The following SORCS3 variants were observed in gnomAD, a reference collection of about 807,000 sequenced individuals.
SORCS3 encodes the protein sortilin related VPS10 domain containing receptor 3.
In SORCS3, 57 loss-of-function variants were observed where a neutral mutation model predicts 146.3. That is an observed-to-expected ratio of 0.39 (90% confidence interval 0.31 to 0.49). The LOEUF is 0.49. SORCS3 is among the 20% of genes least tolerant of loss of function. The probability of loss-of-function intolerance (pLI) is 0.92; values close to 1 mark genes in which losing one functional copy is unlikely to be tolerated. For missense variants in SORCS3, 1,341 were observed against 1,575.5 expected (o/e 0.85, Z 2.52); for synonymous variants, 653 against 618.5 (o/e 1.06, Z -0.83).
intron 22 of SORCS3, among the ~76,000 whole-genome samples, chr10:105,247,847 A>C (rs2056876518): frequency 6.6e-6 from 1 of 152,168 alleles, no homozygotes; most frequent in Admixed American, 6.5e-5. Context: ...TGAAGAAGGA[A>C]ACTGGCCCAA....
At chr10:104,827,720 C>T (rs1266622055) in intron 1 of SORCS3, among the ~76,000 whole-genome samples, 1 of 152,148 alleles carries the variant, frequency 6.6e-6, no homozygotes, top group Non-Finnish European at 1.5e-5. Flanking sequence ...CTATGAAAGT[C>T]CCAGATGGCA....
At chr10:105,020,433 A>G (rs539057272) in intron 4 of SORCS3, among the ~76,000 whole-genome samples, 2 of 152,310 alleles carry the variant, frequency 1.3e-5, no homozygotes, top group South Asian at 4.1e-4. Flanking sequence ...TCACTCATCT[A>G]TATGACATAG....
intron 3 of SORCS3, among the ~76,000 whole-genome samples, chr10:104,951,627 G>A (rs2019430398): frequency 6.6e-6 from 1 of 152,130 alleles, no homozygotes; most frequent in Admixed American, 6.6e-5. Context: ...TTACAGGTGT[G>A]AGCCACCATG....
intron 1 of SORCS3, among the ~76,000 whole-genome samples, chr10:104,780,162 G>A (rs568575385): frequency 3.3e-5 from 5 of 151,882 alleles, no homozygotes; most frequent in Admixed American, 2.0e-4. Context: ...AGCCACAACG[G>A]AGCAATTTGA....
intron 7 of SORCS3, among the ~76,000 whole-genome samples, chr10:105,114,778 T>G (rs1485466531): frequency 1.3e-5 from 2 of 152,102 alleles, no homozygotes; most frequent in Non-Finnish European, 2.9e-5. Flanking sequence ...CTCAGTAATA[T>G]TCTATAGACC....
chr10:104,669,968 T>A (rs2015831844), intron 1 of SORCS3, among the ~76,000 whole-genome samples: 1 of 152,110 alleles, frequency 6.6e-6, no homozygotes, highest in South Asian at 2.1e-4. Context: ...ATTTCTCTAA[T>A]GATTAGTGAT....
In SORCS3 at chr10:105,002,772, G is replaced by A. The variant is rs72815690; in HGVS notation, c.954+25279G>A. On this transcript the variant is annotated intron_variant, in intron 4 of 26. Coordinates refer to ENST00000369701, the MANE Select transcript of SORCS3 (RefSeq NM_014978.3). ...GTCAGAAGGCCTGGATTGGAACCTG[G>A]CTCTGTTCCTTAGCATCTGTGTATT... 3.1e-3 allele frequency among the ~76,000 whole-genome samples: 477 copies of A among 152,262 alleles called. 1 individual carries two copies. Among genetic ancestry groups the A allele is most frequent in the Non-Finnish European group, 5.4e-3 (369 of 68,006 alleles).
chr10:105,119,876 T>C (rs1384722175), intron 7 of SORCS3, among the ~76,000 whole-genome samples: 1 of 152,152 alleles, frequency 6.6e-6, no homozygotes, highest in African/African-American at 2.4e-5. Flanking sequence ...TTGTCTCAGA[T>C]GAGACTTTGG....
intron 11 of SORCS3, among the ~76,000 whole-genome samples, chr10:105,159,524 G>T (rs2056243669): frequency 6.6e-6 from 1 of 152,204 alleles, no homozygotes; most frequent in South Asian, 2.1e-4. Flanking sequence ...ACTGTCCACT[G>T]AGCATCAGTC....
intron 4 of SORCS3, among the ~76,000 whole-genome samples, chr10:105,042,666 G>A (rs2055345178): frequency 6.6e-6 from 1 of 152,140 alleles, no homozygotes. Flanking sequence ...CTATAGAGCA[G>A]TAAGAAATGA....
At chr10:105,142,981 T>A (rs1203307203) in intron 8 of SORCS3, among the ~76,000 whole-genome samples, 1 of 152,206 alleles carries the variant, frequency 6.6e-6, no homozygotes, top group Non-Finnish European at 1.5e-5. Flanking sequence ...CCTTCACTGC[T>A]GTGTCACGGC....
chr10:105,107,466 G>A lies in SORCS3; in HGVS notation c.1212+1951G>A, dbSNP rs76303811. The stretch of plus-strand genomic sequence containing the variant: ...TCAGACTTTTTTCATTTTTCCTTGT[G>A]TTCCATAAAGTTTGCTGTAACTCCG... On this transcript the variant is annotated intron_variant, in intron 7 of 26. Coordinates refer to ENST00000369701, the MANE Select transcript of SORCS3 (RefSeq NM_014978.3). Among the ~76,000 whole-genome samples, 611 of 151,924 alleles carry A rather than the reference G, an allele frequency of 4.0e-3. 25 individuals are homozygous for A. In the East Asian group the frequency reaches 0.11, roughly 26 times the overall value.
chr10:104,785,491 C>G (rs1322875743), intron 1 of SORCS3, among the ~76,000 whole-genome samples: 1 of 143,692 alleles, frequency 7.0e-6, no homozygotes, highest in African/African-American at 2.6e-5. Flanking sequence ...GACCTTTGTT[C>G]ACTTGTTTAT....
At chr10:104,866,237 G>T (rs2018457707) in intron 2 of SORCS3, among the ~76,000 whole-genome samples, 1 of 152,174 alleles carries the variant, frequency 6.6e-6, no homozygotes, top group Admixed American at 6.5e-5. Context: ...TTATGTAACA[G>T]AATTTAATGA....
intron 5 of SORCS3, among the ~76,000 whole-genome samples, chr10:105,074,454 C>G (rs772837605): frequency 6.6e-6 from 1 of 152,184 alleles, no homozygotes; most frequent in Non-Finnish European, 1.5e-5. Flanking sequence ...CAAGATTCCT[C>G]CCTTCAAGAA....
intron 14 of SORCS3, among the ~76,000 whole-genome samples, chr10:105,195,665 TGTCTGA>T (rs762521460): frequency 1.3e-5 from 2 of 152,214 alleles, no homozygotes; most frequent in Non-Finnish European, 2.9e-5. Context: ...AGTGACCATG[TGTCTGA>T]GTCATGTATG....
At chr10:105,244,467 T>C (rs934683948) in intron 20 of SORCS3, among the ~76,000 whole-genome samples, 3 of 151,916 alleles carry the variant, frequency 2.0e-5, no homozygotes, top group African/African-American at 4.8e-5. Flanking sequence ...ATATGGAGGG[T>C]CTACAGTGGG....
At chr10:104,702,061 C>T (rs576362297) in intron 1 of SORCS3, among the ~76,000 whole-genome samples, 2 of 152,172 alleles carry the variant, frequency 1.3e-5, no homozygotes, top group South Asian at 4.2e-4. Flanking sequence ...ATGGGTGGGC[C>T]TGTGTTCCAA....
At chr10:105,003,093 G>A (rs2055071764) in intron 4 of SORCS3, among the ~76,000 whole-genome samples, 1 of 152,108 alleles carries the variant, frequency 6.6e-6, no homozygotes, top group Non-Finnish European at 1.5e-5. Flanking sequence ...CTGGAATCAG[G>A]GCTTTCCATC....
Sources: gnomAD v4.1 joint callset for allele counts (sites outside exome capture counted in the v4.1 genomes callset) on GRCh38, gnomAD v4.1.1 for gene constraint, MANE v1.5 for transcripts, NCBI Gene and HGNC (gene_info 2026-07-23, HGNC 2026-07-21) for gene names.